Variants in KCNS3 observed in about 807,000 individuals in gnomAD.
KCNS3 encodes the protein delayed-rectifier potassium channel regulatory subunit KCNS3.
A neutral mutation model predicts 31.0 loss-of-function variants in KCNS3; 13 were observed. The ratio of observed to expected loss-of-function variants is 0.42; its 90% CI spans 0.27 to 0.67. KCNS3 has a LOEUF of 0.67. KCNS3 is among the 30% of genes least tolerant of loss of function. The pLI, the probability that KCNS3 is intolerant of heterozygous loss-of-function variation, is 0.25. For missense variants in KCNS3, 545 were observed against 622.4 expected (o/e 0.88, Z 1.32); for synonymous variants, 238 against 241.5 (o/e 0.99, Z 0.13).
Position 17,899,559 on chromosome 2 carries a change from T to A in KCNS3, c.-251-18121T>A, listed in dbSNP as rs190903350. On this transcript the variant is annotated intron_variant, in intron 1 of 2. Coordinates refer to ENST00000304101, the MANE Select transcript of KCNS3 (RefSeq NM_002252.5). ...TTCACTCCTGGATTCAAATCTTAGCTCCACTTCTTTTTGGCTGGGCAAGTT... is the reference window on the plus strand; with the variant it reads ...TTCACTCCTGGATTCAAATCTTAGCACCACTTCTTTTTGGCTGGGCAAGTT... Among the ~76,000 whole-genome samples the A allele has an allele frequency of 2.1e-3, 321 of 152,298 alleles. 6 individuals carry two copies. The highest frequency in any genetic ancestry group is 0.02 in the Admixed American group (300 of 15,292).
chr2:17,909,508 C>T (rs1284923547), intron 1 of KCNS3, among the ~76,000 whole-genome samples: 1 of 152,138 alleles, frequency 6.6e-6, no homozygotes, highest in African/African-American at 2.4e-5. Context: ...GAACCCGGTA[C>T]CTCAGTTGGA....
chr2:17,903,596 T>A (rs1049566405), intron 1 of KCNS3, among the ~76,000 whole-genome samples: 2 of 152,028 alleles, frequency 1.3e-5, no homozygotes, highest in Non-Finnish European at 2.9e-5. Flanking sequence ...TCCTAATGCT[T>A]TCCTTCCCCC....
intron 1 of KCNS3, among the ~76,000 whole-genome samples, chr2:17,908,313 G>C (rs1662386065): frequency 6.6e-6 from 1 of 152,156 alleles, no homozygotes; most frequent in Non-Finnish European, 1.5e-5. Context: ...AGCTCCGTCA[G>C]GTCATTTAAG....
At position 17,930,940 on chromosome 2, in the gene KCNS3, C is replaced by G; in HGVS notation, c.-59-10C>G. 1 of 1,540,780 alleles carries G rather than the reference C, an allele frequency of 6.5e-7. No homozygotes were observed. Among genetic ancestry groups the G allele is most frequent in the Non-Finnish European group, 8.8e-7 (1 of 1,138,082 alleles). ...GACAGAGTGCTAATATCATCTTGTGCTCTTTCCAGGTGCAGCCTGATCTTC... is the reference window on the plus strand; with the variant it reads ...GACAGAGTGCTAATATCATCTTGTGGTCTTTCCAGGTGCAGCCTGATCTTC... On this transcript the variant is annotated splice_polypyrimidine_tract_variant and intron_variant, in intron 2 of 2. Coordinates refer to ENST00000304101, the MANE Select transcript of KCNS3 (RefSeq NM_002252.5).
At chr2:17,918,933 T>C (rs1032739400) in intron 2 of KCNS3, among the ~76,000 whole-genome samples, 4 of 152,234 alleles carry the variant, frequency 2.6e-5, no homozygotes, top group Non-Finnish European at 5.9e-5. Context: ...CAGACCTCTG[T>C]ATGTGCTTGA....
intron 1 of KCNS3, among the ~76,000 whole-genome samples, chr2:17,914,584 A>G (rs555653124): frequency 1.3e-5 from 2 of 152,128 alleles, no homozygotes; most frequent in South Asian, 2.1e-4. Context: ...TATTCTTTTC[A>G]TTAATTTACT....
intron 1 of KCNS3, among the ~76,000 whole-genome samples, chr2:17,906,365 G>A (rs1232183049): frequency 6.6e-6 from 1 of 151,874 alleles, no homozygotes. Flanking sequence ...TTCTTTATTA[G>A]TCTTGCTAGC....
At chr2:17,895,855 G>GA (rs1662013557) in intron 1 of KCNS3, among the ~76,000 whole-genome samples, 1 of 152,158 alleles carries the variant, frequency 6.6e-6, no homozygotes. Context: ...GTTTGGAAGG[G>GA]AGAGTGTGTG....
intron 1 of KCNS3, among the ~76,000 whole-genome samples, chr2:17,913,797 AT>A (rs1349121704): frequency 6.6e-6 from 1 of 152,182 alleles, no homozygotes; most frequent in Non-Finnish European, 1.5e-5. Flanking sequence ...TATTGGCAGT[AT>A]CTGGAGACAT....
chr2:17,930,842 C>T (rs757069777), intron 2 of KCNS3, 108 bp from the exon 3 acceptor site: 5 of 624,268 alleles, frequency 8.0e-6, no homozygotes, highest in Non-Finnish European at 1.3e-5. Flanking sequence ...TATTGCATTT[C>T]CTGCTTTGCT....
intron 1 of KCNS3, among the ~76,000 whole-genome samples, chr2:17,907,461 T>A (rs1045497548): frequency 2.1e-4 from 32 of 152,226 alleles, no homozygotes; most frequent in Non-Finnish European, 4.0e-4. Context: ...CCATTTACAT[T>A]TAAGGTTAAT....
intron 1 of KCNS3, among the ~76,000 whole-genome samples, chr2:17,907,694 G>T (rs1662363228): frequency 6.6e-6 from 1 of 152,084 alleles, no homozygotes; most frequent in Non-Finnish European, 1.5e-5. Context: ...GTCTGTAAAG[G>T]ATTTTATTTC....
At chr2:17,893,441 G>T (rs1204200987) in intron 1 of KCNS3, among the ~76,000 whole-genome samples, 1 of 152,208 alleles carries the variant, frequency 6.6e-6, no homozygotes, top group Non-Finnish European at 1.5e-5. Flanking sequence ...TGGCCAGGGG[G>T]CTTCTCGCCC....
chr2:17,931,281 G>A lies in KCNS3; in HGVS notation c.273G>A (p.Met91Ile), dbSNP rs1373437632. The change falls in exon 3 of 3, where the codon ATG becomes ATA. Residue 91 changes from methionine (M) to isoleucine (I), a missense_variant. Physicochemically the swap from Met to Ile is conservative, Grantham distance 10 (BLOSUM62 1). Coordinates refer to ENST00000304101, the MANE Select transcript of KCNS3 (RefSeq NM_002252.5). The surrounding 1 kb of genome is among the most constrained non-coding windows in gnomAD (Gnocchi z 5.4). ...NFYYTGKLHV[M>I]EELCVFSFCQ... The stretch of plus-strand genomic sequence containing the variant: ...ATTACACGGGGAAGCTGCATGTCAT[G>A]GAGGAGCTGTGCGTATTCTCATTCT... 2.5e-6 allele frequency: 4 copies of A among 1,614,028 alleles called. No homozygotes were observed. The Admixed American group carries it at 5.0e-5, about 20-fold the overall frequency.
At chr2:17,905,484 T>C (rs1445051975) in intron 1 of KCNS3, among the ~76,000 whole-genome samples, 106 of 152,258 alleles carry the variant, frequency 7.0e-4, no homozygotes, top group Admixed American at 4.6e-3. Flanking sequence ...CTGGCCAGAA[T>C]TTCCAACACT....
At chr2:17,901,761 A>T (rs1004343104) in intron 1 of KCNS3, among the ~76,000 whole-genome samples, 8 of 152,108 alleles carry the variant, frequency 5.3e-5, no homozygotes, top group African/African-American at 1.9e-4. Flanking sequence ...TTGGTTGATG[A>T]TATTAAAACA....
intron 1 of KCNS3, among the ~76,000 whole-genome samples, chr2:17,903,732 T>G (rs1029158232): frequency 4.3e-4 from 66 of 152,156 alleles, no homozygotes; most frequent in African/African-American, 1.5e-3. Flanking sequence ...CTTGTGACAC[T>G]TTGCTGAGAA....
At chr2:17,909,906 G>T (rs1329630115) in intron 1 of KCNS3, among the ~76,000 whole-genome samples, 2 of 152,174 alleles carry the variant, frequency 1.3e-5, no homozygotes, top group Non-Finnish European at 2.9e-5. Context: ...CTCTGAGTAG[G>T]ATGGAAGCCA....
chr2:17,928,858 A>G (rs1448689657), intron 2 of KCNS3, among the ~76,000 whole-genome samples: 3 of 151,594 alleles, frequency 2.0e-5, no homozygotes, highest in East Asian at 1.9e-4. Context: ...TTTTTTCCCA[A>G]TCAGTTACCA....
Sources: allele counts gnomAD v4.1 joint callset (sites outside exome capture counted in the v4.1 genomes callset), GRCh38; gene constraint gnomAD v4.1.1; non-coding constraint Gnocchi (gnomAD v3.1); transcripts MANE v1.5; gene names NCBI Gene and HGNC (gene_info 2026-07-23, HGNC 2026-07-21).